The following ZBBX variants were observed in gnomAD, a reference collection of about 807,000 sequenced individuals.
ZBBX encodes the protein zinc finger B-box domain containing.
Under a neutral mutation model 108.5 loss-of-function variants are expected in ZBBX, and 101 were observed. That is an observed-to-expected ratio of 0.93 (90% CI 0.79 to 1.10). ZBBX has a LOEUF of 1.10. Ranked by LOEUF, ZBBX falls within the 50% of genes least tolerant of loss-of-function variation. The pLI, the probability that ZBBX is intolerant of heterozygous loss-of-function variation, is 0.00. For synonymous variants in ZBBX, 356 were observed against 323.4 expected (o/e 1.10, Z -1.08); for missense variants, 1,009 against 941.4 (o/e 1.07, Z -0.94).
At position 167,318,894 on chromosome 3, in the gene ZBBX, A is replaced by G. The variant is rs368467856; in HGVS notation, c.984-1297T>C. Among the ~76,000 whole-genome samples, 35 of 152,076 alleles carry G rather than the reference A, an allele frequency of 2.3e-4. No individual in the cohort carries two copies. In the East Asian group the frequency reaches 4.2e-3, roughly 18 times the overall value. On this transcript the variant is annotated intron_variant, in intron 12 of 21. Transcript: ENST00000675490. Reference sequence around the variant, plus strand: ...AACCTCTGCCATATAAGCTACTACAATGAGATACAACTACACGCCTTATTA... The same window carrying G: ...AACCTCTGCCATATAAGCTACTACAGTGAGATACAACTACACGCCTTATTA...
chr3:167,331,969 C>T (rs1738707818), intron 10 of ZBBX, among the ~76,000 whole-genome samples: 1 of 152,094 alleles, frequency 6.6e-6, no homozygotes, highest in South Asian at 2.1e-4. Context: ...ATTAAAAAGG[C>T]CATAAGAGAA....
intron 1 of ZBBX, among the ~76,000 whole-genome samples, chr3:167,391,827 T>C (rs939176363): frequency 2.0e-5 from 3 of 151,880 alleles, no homozygotes; most frequent in African/African-American, 4.8e-5. Flanking sequence ...GTGTAACTAC[T>C]ACTAGAATGA....
At chr3:167,237,455 G>A (rs1162295390), downstream of ZBBX, among the ~76,000 whole-genome samples, 1 of 151,794 alleles carries the variant, frequency 6.6e-6, no homozygotes, top group Non-Finnish European at 1.5e-5. Context: ...GCACTGTACT[G>A]ACTCCACTAT....
At chr3:167,207,693 TA>T in the ZBBX span, among the ~76,000 whole-genome samples, 1 of 152,070 alleles carries the variant, frequency 6.6e-6, no homozygotes, top group African/African-American at 2.4e-5. Flanking sequence ...AAGTAGGAGC[TA>T]AAAAATTTAA....
At chr3:167,321,278 A>G (rs1736401241) in intron 12 of ZBBX, among the ~76,000 whole-genome samples, 1 of 152,026 alleles carries the variant, frequency 6.6e-6, no homozygotes, top group Non-Finnish European at 1.5e-5. Context: ...CACGGGAAAC[A>G]TGAGGGCTGA....
the ZBBX span, among the ~76,000 whole-genome samples, chr3:167,218,812 C>T: frequency 6.6e-6 from 1 of 152,024 alleles, no homozygotes. Flanking sequence ...GGACTAAGCT[C>T]TCCAATCAAA....
chr3:167,210,433 A>T, the ZBBX span, among the ~76,000 whole-genome samples: 46 of 152,322 alleles, frequency 3.0e-4, no homozygotes, highest in African/African-American at 1.1e-3. Flanking sequence ...TAAAAGGGCA[A>T]ATCTAAGAAT....
chr3:167,372,984 A>G (rs1746377582), intron 3 of ZBBX, 34 bp from the exon 4 acceptor site: 2 of 1,050,596 alleles, frequency 1.9e-6, no homozygotes, highest in Non-Finnish European at 2.8e-6. Context: ...GAATTATGGC[A>G]GAGGTGAAGC....
chr3:167,193,856 A>C, the ZBBX span, among the ~76,000 whole-genome samples: 1 of 152,184 alleles, frequency 6.6e-6, no homozygotes, highest in Non-Finnish European at 1.5e-5. Context: ...TTATTATGTT[A>C]AATGAAATAA....
At chr3:167,385,693 G>A (rs941541075) in intron 1 of ZBBX, among the ~76,000 whole-genome samples, 1 of 151,196 alleles carries the variant, frequency 6.6e-6, no homozygotes, top group Non-Finnish European at 1.5e-5. Flanking sequence ...AACTGTTTTT[G>A]TTAAAAACTA....
At chr3:167,355,083 CTTG>C (rs1165331271) in intron 8 of ZBBX, among the ~76,000 whole-genome samples, 1 of 151,930 alleles carries the variant, frequency 6.6e-6, no homozygotes, top group African/African-American at 2.4e-5. Flanking sequence ...TAACAAATAT[CTTG>C]TTAATTTGAT....
At chr3:167,290,611 G>A (rs1382942545) in intron 18 of ZBBX, among the ~76,000 whole-genome samples, 1 of 152,146 alleles carries the variant, frequency 6.6e-6, no homozygotes, top group Non-Finnish European at 1.5e-5. Context: ...AACCAGTGCA[G>A]AAGGGCTGAA....
chr3:167,340,275 T>C (rs924694098), intron 9 of ZBBX, among the ~76,000 whole-genome samples: 1 of 152,074 alleles, frequency 6.6e-6, no homozygotes, highest in South Asian at 2.1e-4. Context: ...ATTCATATTA[T>C]CATAGACCTA....
At chr3:167,215,377 A>C in the ZBBX span, among the ~76,000 whole-genome samples, 8 of 152,202 alleles carry the variant, frequency 5.3e-5, no homozygotes, top group Admixed American at 4.6e-4. Context: ...TAGAAAACGT[A>C]GAAGTTATGG....
In ZBBX at chr3:167,248,023, T is replaced by C. The variant is rs528361465; in HGVS notation, c.2255-5380A>G. ...AGAGTTTTGCTACAGGCTATGGCAATGTTACTAAGTAAAACGAGCATTAGG... is the reference window on the plus strand; with the variant it reads ...AGAGTTTTGCTACAGGCTATGGCAACGTTACTAAGTAAAACGAGCATTAGG... On this transcript the variant is annotated intron_variant, in intron 20 of 21. Coordinates refer to ENST00000675490, the MANE Select transcript of ZBBX (RefSeq NM_001199201.2). Among the ~76,000 whole-genome samples, 4 of 152,322 alleles carry C rather than the reference T, an allele frequency of 2.6e-5. 1 individual carries two copies. In the South Asian group the frequency reaches 8.3e-4, roughly 32 times the overall value.
At chr3:167,249,920 G>T (rs1722279069) in intron 20 of ZBBX, among the ~76,000 whole-genome samples, 1 of 152,110 alleles carries the variant, frequency 6.6e-6, no homozygotes, top group Non-Finnish European at 1.5e-5. Context: ...GACACTTTCA[G>T]GTGTGCATAA....
intron 10 of ZBBX, among the ~76,000 whole-genome samples, chr3:167,329,109 T>C (rs750147722): frequency 1.3e-5 from 2 of 152,188 alleles, no homozygotes; most frequent in African/African-American, 4.8e-5. Context: ...CTCAGATTAA[T>C]GATGGTTGTG....
At chr3:167,178,819 C>T in the ZBBX span, among the ~76,000 whole-genome samples, 13 of 152,204 alleles carry the variant, frequency 8.5e-5, no homozygotes, top group Non-Finnish European at 1.6e-4. Context: ...TAGTCAGGCT[C>T]AAAAAATTTA....
chr3:167,339,691 G>A (rs1279793656), intron 9 of ZBBX, among the ~76,000 whole-genome samples: 2 of 152,120 alleles, frequency 1.3e-5, no homozygotes, highest in Admixed American at 6.6e-5. Flanking sequence ...CAGGATACAT[G>A]TGCAGAATGT....
Sources: allele counts gnomAD v4.1 joint callset (sites outside exome capture counted in the v4.1 genomes callset), GRCh38; gene constraint gnomAD v4.1.1; transcripts MANE v1.5; gene names NCBI Gene and HGNC (gene_info 2026-07-23, HGNC 2026-07-21).